BMPR2: variants seen among roughly 807,000 people sequenced by gnomAD.
BMPR2 encodes bone morphogenetic protein receptor type-2.
In BMPR2, 29 loss-of-function variants were observed where a neutral mutation model predicts 100.8. That is an observed-to-expected ratio of 0.29 (90% CI 0.21 to 0.39). The LOEUF (loss-of-function observed/expected upper bound fraction) is 0.39, where lower values mean the gene tolerates loss of function less well. BMPR2 is among the 10% of genes least tolerant of loss of function. BMPR2 has a pLI of 1.00. For synonymous variants in BMPR2, 382 were observed against 442.3 expected, an observed-to-expected ratio of 0.86 and a Z score of 1.71; for missense variants, 1,011 against 1,274.5, an observed-to-expected ratio of 0.79 and a Z score of 3.15.
At chr2:202,404,030 T>C (rs1574430046) in intron 1 of BMPR2, among the ~76,000 whole-genome samples, 2 of 151,740 alleles carry the variant, frequency 1.3e-5, no homozygotes, top group Admixed American at 1.3e-4. Flanking sequence ...AAGTGAGATA[T>C]TAAGGGCTTT....
chr2:202,456,847 C>G (rs543185700), intron 1 of BMPR2, among the ~76,000 whole-genome samples: 2 of 152,228 alleles, frequency 1.3e-5, no homozygotes, highest in South Asian at 4.2e-4. Flanking sequence ...TTTCATATAT[C>G]TCTGCTACTC....
At chr2:202,381,900 G>A (rs1690302667) in intron 1 of BMPR2, among the ~76,000 whole-genome samples, 3 of 151,640 alleles carry the variant, frequency 2.0e-5, no homozygotes, top group Non-Finnish European at 1.5e-5. Context: ...AACAAAAAGA[G>A]AAGAAATTGA....
At chr2:202,525,135 CATTA>C (rs1414293772) in intron 7 of BMPR2, among the ~76,000 whole-genome samples, 1 of 152,020 alleles carries the variant, frequency 6.6e-6, no homozygotes, top group Non-Finnish European at 1.5e-5. Context: ...TACAATGCAT[CATTA>C]ATTTTTTTAA....
At chr2:202,509,575 TTTA>T (rs1687584988) in intron 3 of BMPR2, among the ~76,000 whole-genome samples, 1 of 151,846 alleles carries the variant, frequency 6.6e-6, no homozygotes, top group African/African-American at 2.4e-5. Context: ...TGGAAAAATC[TTTA>T]TTATTAAATT....
chr2:202,552,875 A>G lies in BMPR2; in HGVS notation c.1573A>G (p.Met525Val). 2 of 1,614,250 alleles carry G rather than the reference A, an allele frequency of 1.2e-6. No homozygotes were observed. The highest frequency in any genetic ancestry group is 1.7e-6 in the Non-Finnish European group (2 of 1,180,040). ...AACAGTCAATCCAATGTCTACTGCTATGCAGAATGAACGGTAAGACCCTAA... is the reference window on the plus strand; with the variant it reads ...AACAGTCAATCCAATGTCTACTGCTGTGCAGAATGAACGGTAAGACCCTAA... ...SPTVNPMSTAMQNERNLSHNR... is the reference protein window; with the variant it reads ...SPTVNPMSTAVQNERNLSHNR... Residue 525 changes from methionine to valine, a missense_variant, in exon 11 of 13, where the codon ATG becomes GTG. Met to Val is a conservative substitution (Grantham distance 21, BLOSUM62 1). This residue lies in a region of BMPR2 where 508 missense variants were observed against 552.0 expected (regional missense o/e 0.92). Coordinates refer to ENST00000374580, the MANE Select transcript of BMPR2 (RefSeq NM_001204.7).
intron 1 of BMPR2, among the ~76,000 whole-genome samples, chr2:202,443,522 C>T (rs570901893): frequency 6.7e-6 from 1 of 149,474 alleles, no homozygotes; most frequent in Non-Finnish European, 1.5e-5. Flanking sequence ...TCTTTCTTTC[C>T]TTTCTTTCTC....
chr2:202,391,374 G>A lies in BMPR2; in HGVS notation c.76+13824G>A, dbSNP rs187060949. Among the ~76,000 whole-genome samples, 244 of 151,962 alleles carry A rather than the reference G, an allele frequency of 1.6e-3. 1 individual carries two copies. Among genetic ancestry groups the A allele is most frequent in the Middle Eastern group, 6.8e-3 (2 of 294 alleles). On this transcript the variant is annotated intron_variant, in intron 1 of 12. Coordinates refer to ENST00000374580, the MANE Select transcript of BMPR2 (RefSeq NM_001204.7). ...GCTGGAGTGCAGTGGTATGATCACAGTTCACTGTAACCTCAATCTCCCGGA... is the reference window on the plus strand; with the variant it reads ...GCTGGAGTGCAGTGGTATGATCACAATTCACTGTAACCTCAATCTCCCGGA...
At chr2:202,556,895 G>T (rs1457444518) in intron 12 of BMPR2, among the ~76,000 whole-genome samples, 2 of 151,472 alleles carry the variant, frequency 1.3e-5, no homozygotes, top group Non-Finnish European at 1.5e-5. Context: ...GACCAGCCTG[G>T]CCAACATGGT....
At chr2:202,419,783 T>G (rs1691219773) in intron 1 of BMPR2, among the ~76,000 whole-genome samples, 1 of 152,184 alleles carries the variant, frequency 6.6e-6, no homozygotes, top group East Asian at 1.9e-4. Flanking sequence ...TTGTTGATTC[T>G]TTAGCTTTTC....
rs1688046255 is a variant in BMPR2 at position 202,532,513 on chromosome 2, C to G, written c.1129-72C>G. On this transcript the variant is annotated intron_variant, in intron 8 of 12. Transcript: ENST00000374580. The surrounding 1 kb of genome is among the most constrained non-coding windows in gnomAD (Gnocchi z 4.1). Reference sequence around the variant, plus strand: ...TGACATGACTAAGATTTATATATAACTTCTGGTCTAATGTCTGTTCTTCAG... The same window carrying G: ...TGACATGACTAAGATTTATATATAAGTTCTGGTCTAATGTCTGTTCTTCAG... 1.3e-6 allele frequency: 2 copies of G among 1,534,776 alleles called. No individual in the cohort carries two copies. Among genetic ancestry groups the G allele is most frequent in the Non-Finnish European group, 1.8e-6 (2 of 1,112,272 alleles).
At chr2:202,382,065 T>G (rs957138469) in intron 1 of BMPR2, among the ~76,000 whole-genome samples, 8 of 148,822 alleles carry the variant, frequency 5.4e-5, no homozygotes, top group South Asian at 2.2e-4. Context: ...TTTGTTTTTT[T>G]TTTTTTTTTT....
At chr2:202,399,473 G>T (rs1690718615) in intron 1 of BMPR2, among the ~76,000 whole-genome samples, 1 of 152,202 alleles carries the variant, frequency 6.6e-6, no homozygotes, top group South Asian at 2.1e-4. Flanking sequence ...AGACAGGCAG[G>T]CAGGAGCCAA....
intron 3 of BMPR2, among the ~76,000 whole-genome samples, chr2:202,483,423 C>T (rs1379334065): frequency 1.3e-5 from 2 of 151,246 alleles, no homozygotes; most frequent in African/African-American, 2.4e-5. Context: ...ACTCTGTTGC[C>T]CAGGCTGGAG....
Position 202,377,540 on chromosome 2 carries a change from C to T in BMPR2, c.66C>T (p.Ser22=), listed in dbSNP as rs1004254626. Reference sequence around the variant, plus strand: ...TACCATGGACCATCCTGCTGGTCAGCACTGCGGCTGGTGAGTAGCTCCGGC... The same window carrying T: ...TACCATGGACCATCCTGCTGGTCAGTACTGCGGCTGGTGAGTAGCTCCGGC... ...PWLPWTILLV[S]TAAASQNQER... is the part of the protein sequence containing the mutation. The change falls in exon 1 of 13, where the codon AGC becomes AGT. Residue 22 remains serine, a synonymous_variant. Coordinates refer to ENST00000374580, the MANE Select transcript of BMPR2 (RefSeq NM_001204.7). 1 of 1,614,110 alleles carries T rather than the reference C, an allele frequency of 6.2e-7. No individual in the cohort carries two copies. The highest frequency in any genetic ancestry group is 1.3e-5 in the African/African-American group (1 of 74,956).
At chr2:202,474,335 A>G (rs568680517) in intron 3 of BMPR2, among the ~76,000 whole-genome samples, 4 of 151,514 alleles carry the variant, frequency 2.6e-5, no homozygotes, top group African/African-American at 9.7e-5. Context: ...ATGTGCCTGC[A>G]GTCCCAGCTA....
rs561004878 is a variant in BMPR2, at chr2:202,436,859, T to A, written c.77-27950T>A. On this transcript the variant is annotated intron_variant, in intron 1 of 12. Transcript: ENST00000374580. ...TTTTCAAGAAACATGACTCTAGAATTCTTTACTAGGTCTTCGCAAAATATT... is the reference window on the plus strand; with the variant it reads ...TTTTCAAGAAACATGACTCTAGAATACTTTACTAGGTCTTCGCAAAATATT... 1.4e-3 allele frequency among the ~76,000 whole-genome samples: 217 copies of A among 150,866 alleles called. 3 individuals are homozygous for A. The highest frequency in any genetic ancestry group is 3.4e-3 in the Middle Eastern group (1 of 294).
chr2:202,493,202 T>C (rs887887006), intron 3 of BMPR2, among the ~76,000 whole-genome samples: 2 of 152,230 alleles, frequency 1.3e-5, no homozygotes, highest in East Asian at 1.9e-4. Flanking sequence ...ATGACTATTA[T>C]AGTGACTAGG....
intron 1 of BMPR2, among the ~76,000 whole-genome samples, chr2:202,408,860 TTTTATCTGTTGC>T (rs1690953475): frequency 6.6e-6 from 1 of 152,220 alleles, no homozygotes. Flanking sequence ...TAAAATTTGT[TTTTATCTGTTGC>T]TTTATCTGCT....
At chr2:202,543,412 A>G (rs1209083536) in intron 10 of BMPR2, among the ~76,000 whole-genome samples, 1 of 151,442 alleles carries the variant, frequency 6.6e-6, no homozygotes, top group African/African-American at 2.4e-5. Context: ...CTAATTATCT[A>G]CTATCATTTC....
Sources: allele counts gnomAD v4.1 joint callset (sites outside exome capture counted in the v4.1 genomes callset), GRCh38; gene constraint gnomAD v4.1.1; regional missense constraint gnomAD v4.1.1; non-coding constraint Gnocchi (gnomAD v3.1); transcripts MANE v1.5; gene names NCBI Gene and HGNC (gene_info 2026-07-23, HGNC 2026-07-21).